NFKB1: variants seen among roughly 807,000 people sequenced by gnomAD.
NFKB1 encodes the protein nuclear factor kappa B subunit 1.
Under a neutral mutation model 105.1 loss-of-function variants are expected in NFKB1, and 9 were observed. The ratio of observed to expected loss-of-function variants is 0.09; its 90% CI spans 0.05 to 0.15. The LOEUF is 0.15. Ranked by LOEUF, NFKB1 falls within the 10% of genes least tolerant of loss-of-function variation. The pLI is 1.00. For synonymous variants in NFKB1, 440 were observed against 442.2 expected (o/e 1.00, Z 0.06); for missense variants, 830 against 1,203.7 (o/e 0.69, Z 4.59).
At chr4:102,530,058 A>G (rs1003580533) in intron 3 of NFKB1, 144 bp downstream of exon 3, 9 of 624,848 alleles carry the variant, frequency 1.4e-5, no homozygotes, top group Non-Finnish European at 2.5e-5. Flanking sequence ...CTTTTAACAT[A>G]CTTTCTTGAA....
intron 6 of NFKB1, among the ~76,000 whole-genome samples, chr4:102,567,362 C>T (rs1383916796): frequency 6.6e-6 from 1 of 152,140 alleles, no homozygotes; most frequent in Admixed American, 6.6e-5. Context: ...TTGTTTATAG[C>T]ACCCTCTTCT....
At chr4:102,605,153 C>G (rs2149218917) in intron 16 of NFKB1, among the ~76,000 whole-genome samples, 1 of 152,258 alleles carries the variant, frequency 6.6e-6, no homozygotes, top group African/African-American at 2.4e-5. Context: ...TTAGTAAACA[C>G]AGTTTCCATT....
chr4:102,529,470 G>A (rs1046799255), intron 2 of NFKB1, among the ~76,000 whole-genome samples: 8 of 152,192 alleles, frequency 5.3e-5, no homozygotes, highest in African/African-American at 1.9e-4. Flanking sequence ...GAGAGTACAA[G>A]CTTCAAATCA....
intron 1 of NFKB1, among the ~76,000 whole-genome samples, chr4:102,509,958 A>AC (rs1192926053): frequency 6.6e-6 from 1 of 151,368 alleles, no homozygotes; most frequent in Non-Finnish European, 1.5e-5. Context: ...CGCACACCTC[A>AC]CCCCCTTACT....
At chr4:102,522,098 T>C (rs1329163304) in intron 1 of NFKB1, among the ~76,000 whole-genome samples, 1 of 152,122 alleles carries the variant, frequency 6.6e-6, no homozygotes, top group Non-Finnish European at 1.5e-5. Context: ...GGGGAAGGGC[T>C]GGGGGAACAG....
chr4:102,567,595 A>G (rs1256892924), intron 6 of NFKB1, among the ~76,000 whole-genome samples: 2 of 152,222 alleles, frequency 1.3e-5, no homozygotes, highest in African/African-American at 2.4e-5. Flanking sequence ...AAGTGAATGC[A>G]TAAATATCAT....
intron 11 of NFKB1, among the ~76,000 whole-genome samples, chr4:102,588,468 A>G (rs985761164): frequency 3.3e-5 from 5 of 152,116 alleles, no homozygotes; most frequent in Non-Finnish European, 7.4e-5. Context: ...AAAAAAATAA[A>G]AGAGACCATA....
intron 22 of NFKB1, 35 bp from the exon 23 acceptor site, chr4:102,613,390 C>G (rs1044298824): frequency 1.2e-6 from 2 of 1,606,704 alleles, no homozygotes; most frequent in Non-Finnish European, 1.7e-6. Flanking sequence ...GACTCGAACA[C>G]AAGAACATGC....
chr4:102,573,966 G>A (rs897270204), intron 6 of NFKB1, among the ~76,000 whole-genome samples: 1 of 151,422 alleles, frequency 6.6e-6, no homozygotes, highest in Middle Eastern at 3.4e-3. Flanking sequence ...ATATATAATA[G>A]CTATTCAATG....
chr4:102,589,473 GT>G (rs946828956), intron 11 of NFKB1, among the ~76,000 whole-genome samples: 47 of 145,264 alleles, frequency 3.2e-4, no homozygotes, highest in African/African-American at 7.0e-4. Flanking sequence ...GGCAACCTTG[GT>G]TTTTTTTTTT....
At chr4:102,515,111 T>A (rs972657968) in intron 1 of NFKB1, among the ~76,000 whole-genome samples, 524 of 128,784 alleles carry the variant, frequency 4.1e-3, no homozygotes, top group South Asian at 0.012. Flanking sequence ...ATTATTATTT[T>A]TTTTTTTTTT....
chr4:102,509,567 TTAAGTA>T (rs1739644488), intron 1 of NFKB1, among the ~76,000 whole-genome samples: 1 of 152,238 alleles, frequency 6.6e-6, no homozygotes, highest in Non-Finnish European at 1.5e-5. Context: ...GCTGAGGCAC[TTAAGTA>T]TCTTCACATC....
intron 15 of NFKB1, among the ~76,000 whole-genome samples, chr4:102,600,074 C>G (rs919704264): frequency 6.6e-6 from 1 of 152,056 alleles, no homozygotes; most frequent in African/African-American, 2.4e-5. Flanking sequence ...GATGACAGGA[C>G]AGAGAACGAG....
At chr4:102,514,498 C>G (rs1739996379) in intron 1 of NFKB1, among the ~76,000 whole-genome samples, 1 of 152,174 alleles carries the variant, frequency 6.6e-6, no homozygotes, top group African/African-American at 2.4e-5. Flanking sequence ...GAGGATGCAT[C>G]CCTCACCAGA....
At chr4:102,611,163 C>A (rs535419698) in intron 20 of NFKB1, among the ~76,000 whole-genome samples, 2 of 152,292 alleles carry the variant, frequency 1.3e-5, no homozygotes, top group Admixed American at 1.3e-4. Context: ...CTCCACAGGG[C>A]TGAGATCTGA....
chr4:102,566,872 A>T, intron 5 of NFKB1, 115 bp from the exon 6 acceptor site: 1 of 1,008,112 alleles, frequency 9.9e-7, no homozygotes, highest in Non-Finnish European at 1.5e-6. Flanking sequence ...TCATGTATAT[A>T]CATATATGAA....
chr4:102,578,559 A>G (rs575242499), intron 7 of NFKB1: 6 of 403,912 alleles, frequency 1.5e-5, no homozygotes, highest in African/African-American at 1.0e-4. Flanking sequence ...ATTCCATTCC[A>G]TCACATCCTG....
intron 5 of NFKB1, among the ~76,000 whole-genome samples, chr4:102,549,546 T>A (rs2149141342): frequency 6.6e-6 from 1 of 151,518 alleles, no homozygotes. Flanking sequence ...AGTTATATAG[T>A]TCTATTAATT....
chr4:102,588,326 A>G (rs999794320), intron 11 of NFKB1, among the ~76,000 whole-genome samples: 1 of 152,160 alleles, frequency 6.6e-6, no homozygotes, highest in African/African-American at 2.4e-5. Flanking sequence ...ATGGTCATCA[A>G]CATTGTACTT....
Sources: allele counts gnomAD v4.1 joint callset (sites outside exome capture counted in the v4.1 genomes callset), GRCh38; gene constraint gnomAD v4.1.1; transcripts MANE v1.5; gene names NCBI Gene and HGNC (gene_info 2026-07-23, HGNC 2026-07-21).